The following SCIN variants were observed in gnomAD, a reference collection of about 807,000 sequenced individuals.
SCIN encodes scinderin, also known as adseverin.
Under a neutral mutation model 91.8 loss-of-function variants are expected in SCIN, and 91 were observed. That is an observed-to-expected ratio of 0.99 (90% CI 0.84 to 1.18). SCIN has a LOEUF of 1.18. Ranked by LOEUF, SCIN falls within the 50% of genes most tolerant of loss-of-function variation. The pLI is 0.00. For missense variants in SCIN, 1,087 were observed against 863.9 expected, an observed-to-expected ratio of 1.26 and a Z score of -3.24; for synonymous variants, 367 against 312.6, an observed-to-expected ratio of 1.17 and a Z score of -1.84.
chr7:12,628,978 A>T, intron 8 of SCIN, 123 bp from the exon 9 acceptor site: 3 of 792,924 alleles, frequency 3.8e-6, no homozygotes, highest in Non-Finnish European at 5.7e-6. Context: ...TTTGTAAACT[A>T]GTTAATAAAT....
rs538315099 is a variant in SCIN at position 12,652,079 on chromosome 7, G to A, written c.2020+178G>A. ...TTTTGAACTGGAGAATTTCCAAATG[G>A]GCACAAGAAAACAATATGTTTTGTT... On this transcript the variant is annotated intron_variant, in intron 15 of 15. Transcript: ENST00000297029. Among the ~76,000 whole-genome samples the A allele has an allele frequency of 1.6e-4, 25 of 152,154 alleles. No homozygotes were observed. The South Asian group carries it at 5.0e-3, about 30-fold the overall frequency.
chr7:12,656,601 C>T lies in SCIN; in HGVS notation c.*3886C>T, dbSNP rs1784165662. 1 of 152,124 alleles carries T rather than the reference C, an allele frequency of 6.6e-6. No individual in the cohort carries two copies. Among genetic ancestry groups the T allele is most frequent in the African/African-American group, 2.4e-5 (1 of 41,428 alleles). The allele number at this position is 152,124 out of a possible 1,614,324, so 9.4% of individuals were successfully genotyped here. A position where few individuals can be genotyped will look rare whatever the true frequency, so the allele number is the denominator to read the frequency against. Reference sequence around the variant, plus strand: ...AAAAAACTGGCTTATAAATGCACTTCACAAAAACTGTTAGAAAAGTAGCCA... The same window carrying T: ...AAAAAACTGGCTTATAAATGCACTTTACAAAAACTGTTAGAAAAGTAGCCA... On this transcript the variant is annotated 3_prime_UTR_variant, in exon 16 of 16. Coordinates refer to ENST00000297029, the MANE Select transcript of SCIN (RefSeq NM_001112706.3).
Position 12,604,536 on chromosome 7 carries a change from C to G in SCIN, c.539C>G (p.Ser180Cys). 1 of 1,551,654 alleles carries G rather than the reference C, an allele frequency of 6.4e-7. No individual in the cohort carries two copies. Among genetic ancestry groups the G allele is most frequent in the African/African-American group, 1.4e-5 (1 of 73,106 alleles). Residue 180 changes from serine to cysteine, a missense_variant, in exon 4 of 16, where the codon TCC becomes TGC. By Grantham distance (112) the Ser-to-Cys change is moderately radical. Transcript: ENST00000297029. ...TAGGAAATTTATCAGTGGTGTGGTT[C>G]CTCGTGCAACAAATATGAACGTCTG... is the stretch of plus-strand genomic sequence containing the variant. ...LGTEIYQWCG[S>C]SCNKYERLKA...
chr7:12,645,484 G>T (rs930785221), intron 13 of SCIN, among the ~76,000 whole-genome samples: 2 of 152,156 alleles, frequency 1.3e-5, no homozygotes, highest in East Asian at 1.9e-4. Flanking sequence ...TCTACACAGG[G>T]TATTTTTTTT....
rs1360446580 is a variant in SCIN, at chr7:12,645,941, G to A, written c.1881+1236G>A. ...TTAATTTAATAATTTGGCATTTTCT[G>A]TGGGCAGCAATCATTATTTCTGATC... On this transcript the variant is annotated intron_variant, in intron 13 of 15. Transcript: ENST00000297029. Among the ~76,000 whole-genome samples the A allele has an allele frequency of 5.3e-5, 8 of 152,188 alleles. No homozygotes were observed. The South Asian group carries it at 1.2e-3, about 24-fold the overall frequency.
At chr7:12,608,357 C>G (rs981156487) in intron 4 of SCIN, among the ~76,000 whole-genome samples, 1 of 137,278 alleles carries the variant, frequency 7.3e-6, no homozygotes. Context: ...ACAGAGTATC[C>G]TTGTTTAAAA....
At position 12,625,889 on chromosome 7, in the gene SCIN, A is replaced by G. The variant is rs1359523061; in HGVS notation, c.981+39A>G. Reference sequence around the variant, plus strand: ...TGAACTGGCTAGAAAAAAATAGAAAACATTGGAGCTCATGACATCTCCACG... The same window carrying G: ...TGAACTGGCTAGAAAAAAATAGAAAGCATTGGAGCTCATGACATCTCCACG... On this transcript the variant is annotated intron_variant, in intron 7 of 15. Coordinates refer to ENST00000297029, the MANE Select transcript of SCIN (RefSeq NM_001112706.3). 4.8e-6 allele frequency: 7 copies of G among 1,447,448 alleles called. No individual in the cohort carries two copies. The African/African-American group carries it at 1.0e-4, about 21-fold the overall frequency. 89.7% of individuals were successfully genotyped at this position (1,447,448 alleles called of 1,614,324 possible).
At chr7:12,574,892 G>C (rs1312543133) in intron 1 of SCIN, among the ~76,000 whole-genome samples, 1 of 151,970 alleles carries the variant, frequency 6.6e-6, no homozygotes, top group Non-Finnish European at 1.5e-5. Context: ...CTGTGATTTT[G>C]GTAAGAATAA....
intron 11 of SCIN, among the ~76,000 whole-genome samples, chr7:12,641,599 A>G (rs991890736): frequency 1.3e-5 from 2 of 151,934 alleles, no homozygotes; most frequent in Non-Finnish European, 2.9e-5. Flanking sequence ...CCTTGACCGC[A>G]TTTCATCTCA....
At chr7:12,608,933 G>C (rs143173453) in intron 4 of SCIN, among the ~76,000 whole-genome samples, 1 of 152,132 alleles carries the variant, frequency 6.6e-6, no homozygotes, top group African/African-American at 2.4e-5. Flanking sequence ...ACTCTGTATT[G>C]AGTGCTGAAA....
chr7:12,571,080 C>T (rs912444953), intron 1 of SCIN, 95 bp downstream of exon 1: 2 of 1,321,720 alleles, frequency 1.5e-6, no homozygotes, highest in East Asian at 2.5e-5. Context: ...GTAAAGGGGA[C>T]CGCAAACTGA....
At position 12,634,315 on chromosome 7, in the gene SCIN, G is replaced by A. The variant is rs189742805; in HGVS notation, c.1320-1730G>A. 5.3e-5 allele frequency among the ~76,000 whole-genome samples: 8 copies of A among 151,746 alleles called. No individual in the cohort carries two copies. In the South Asian group the frequency reaches 6.3e-4, roughly 12 times the overall value. On this transcript the variant is annotated intron_variant, in intron 9 of 15. Transcript: ENST00000297029. Reference sequence around the variant, plus strand: ...AGCCTGACCAACATGGAGAAATCCCGTCTCTACTAAAAATACAAAATTAGC... The same window carrying A: ...AGCCTGACCAACATGGAGAAATCCCATCTCTACTAAAAATACAAAATTAGC...
At chr7:12,601,290 T>C (rs1782953150) in intron 3 of SCIN, among the ~76,000 whole-genome samples, 1 of 152,186 alleles carries the variant, frequency 6.6e-6, no homozygotes, top group Non-Finnish European at 1.5e-5. Flanking sequence ...CCCATTTTAG[T>C]CACTCAGTAA....
chr7:12,595,758 T>C (rs1782827865), intron 3 of SCIN: 1 of 152,232 alleles, frequency 6.6e-6, no homozygotes, highest in Non-Finnish European at 1.5e-5. Flanking sequence ...ATTTGGTGTT[T>C]GGACTTCTTA....
chr7:12,617,765 T>C (rs1446303602), intron 4 of SCIN, among the ~76,000 whole-genome samples: 1 of 152,136 alleles, frequency 6.6e-6, no homozygotes, highest in Admixed American at 6.6e-5. Context: ...TTTTCAAATA[T>C]ACAATGCATG....
At chr7:12,640,609 A>G (rs561135807) in intron 11 of SCIN, 92 bp downstream of exon 11, 255 of 1,141,296 alleles carry the variant, frequency 2.2e-4, no homozygotes, top group Admixed American at 3.3e-4. Flanking sequence ...AAAACTTGGC[A>G]AATAAACTCC....
rs1039768720 is a variant in SCIN at position 12,570,980 on chromosome 7, G to A, written c.194G>A (p.Trp65Ter). The A allele has an allele frequency of 6.5e-7, 1 of 1,549,734 alleles. No individual in the cohort carries two copies. The highest frequency in any genetic ancestry group is 8.7e-7 in the Non-Finnish European group (1 of 1,145,824). ...SRGFTYHLHF[W>*]LGKECSQDES... ...GGCTTCACCTACCACCTGCACTTCT[G>A]GCTCGGTAAGGGACGGCGGGCGGCG... Residue 65 changes from tryptophan to a stop codon, truncating the protein, a stop_gained, in exon 1 of 16, where the codon TGG (tryptophan) becomes TAG (stop). Transcript: ENST00000297029. LOFTEE classifies it high-confidence loss of function.
chr7:12,612,687 T>A (rs1285999160), intron 4 of SCIN, among the ~76,000 whole-genome samples: 2 of 152,192 alleles, frequency 1.3e-5, no homozygotes, highest in Non-Finnish European at 2.9e-5. Flanking sequence ...CCTTGTTATT[T>A]AATTTAATGA....
At chr7:12,598,401 G>A (rs746890497) in intron 3 of SCIN, among the ~76,000 whole-genome samples, 19 of 151,956 alleles carry the variant, frequency 1.3e-4, no homozygotes, top group African/African-American at 2.9e-4. Flanking sequence ...GTGTTGGGCC[G>A]CACAGTTTAT....
Sources: gnomAD v4.1 joint callset for allele counts (sites outside exome capture counted in the v4.1 genomes callset) on GRCh38, gnomAD v4.1.1 for gene constraint, MANE v1.5 for transcripts, NCBI Gene and HGNC (gene_info 2026-07-23, HGNC 2026-07-21) for gene names.